TMEM178B: variants seen among roughly 807,000 people sequenced by gnomAD.
TMEM178B encodes the protein transmembrane protein 178B.
In TMEM178B, 5 loss-of-function variants were observed where a neutral mutation model predicts 31.0. The observed-to-expected ratio is 0.16, with a 90% CI of 0.08 to 0.34. TMEM178B has a LOEUF of 0.34. Ranked by LOEUF, TMEM178B falls within the 10% of genes least tolerant of loss-of-function variation. The probability of loss-of-function intolerance (pLI) is 1.00; values close to 1 mark genes in which losing one functional copy is unlikely to be tolerated. For missense variants in TMEM178B, 275 were observed against 400.3 expected (o/e 0.69, Z 2.67); for synonymous variants, 164 against 164.0 (o/e 1.00, Z 0.00).
At chr7:141,152,802 C>G (rs1586798159) in intron 1 of TMEM178B, among the ~76,000 whole-genome samples, 1 of 152,194 alleles carries the variant, frequency 6.6e-6, no homozygotes, top group African/African-American at 2.4e-5. Context: ...TCTCAAAATA[C>G]GTTCATTTCT....
rs1313571602 is a variant in TMEM178B at position 141,209,911 on chromosome 7, T to C, written c.383-2680T>C. Among the ~76,000 whole-genome samples the C allele has an allele frequency of 2.0e-5, 3 of 152,090 alleles. No homozygotes were observed. The East Asian group carries it at 5.8e-4, about 29-fold the overall frequency. On this transcript the variant is annotated intron_variant, in intron 1 of 3. Coordinates refer to ENST00000565468, the MANE Select transcript of TMEM178B (RefSeq NM_001195278.2). ...GTTCACCTAGCTGGAGCCTGGGGTA[T>C]GTGAAGGCTGGGGCCTGAAGGGAGC... is the stretch of plus-strand genomic sequence containing the variant.
intron 1 of TMEM178B, among the ~76,000 whole-genome samples, chr7:141,155,123 T>A (rs1171505994): frequency 6.6e-6 from 1 of 152,164 alleles, no homozygotes; most frequent in Non-Finnish European, 1.5e-5. Context: ...GGAGGACTCA[T>A]AGGACACAGT....
At chr7:141,246,401 T>C (rs978920503) in intron 2 of TMEM178B, among the ~76,000 whole-genome samples, 4 of 152,242 alleles carry the variant, frequency 2.6e-5, no homozygotes, top group African/African-American at 9.6e-5. Flanking sequence ...ACGATGTTTC[T>C]GAGACTACGA....
intron 2 of TMEM178B, among the ~76,000 whole-genome samples, chr7:141,377,277 G>A (rs190530241): frequency 2.6e-5 from 4 of 151,450 alleles, no homozygotes; most frequent in East Asian, 2.0e-4. Flanking sequence ...TCCGCCTCCC[G>A]GGTTCAAGTG....
chr7:141,186,007 C>G (rs1461132939), intron 1 of TMEM178B, among the ~76,000 whole-genome samples: 1 of 152,194 alleles, frequency 6.6e-6, no homozygotes, highest in Non-Finnish European at 1.5e-5. Context: ...CCTTTTGAAA[C>G]TTCAATTTCT....
At chr7:141,245,545 A>G (rs571541049) in intron 2 of TMEM178B, among the ~76,000 whole-genome samples, 1 of 152,362 alleles carries the variant, frequency 6.6e-6, no homozygotes, top group South Asian at 2.1e-4. Context: ...TACAGCAAGA[A>G]GAGAAATCAC....
chr7:141,325,474 A>G (rs1044513321), intron 2 of TMEM178B, among the ~76,000 whole-genome samples: 1 of 152,102 alleles, frequency 6.6e-6, no homozygotes, highest in Non-Finnish European at 1.5e-5. Context: ...TCCCCCAGGG[A>G]CCAAAGGCCA....
chr7:141,500,370 G>C, the TMEM178B span, among the ~76,000 whole-genome samples: 1 of 152,192 alleles, frequency 6.6e-6, no homozygotes, highest in Non-Finnish European at 1.5e-5. Flanking sequence ...TTTTGATTGA[G>C]AGGCTCAGGA....
At chr7:141,371,249 G>C (rs557859890) in intron 2 of TMEM178B, among the ~76,000 whole-genome samples, 1 of 152,080 alleles carries the variant, frequency 6.6e-6, no homozygotes, top group Non-Finnish European at 1.5e-5. Context: ...CCCTTCCTTG[G>C]GGGTAAGTGA....
intron 1 of TMEM178B, among the ~76,000 whole-genome samples, chr7:141,143,134 T>G (rs995000494): frequency 1.3e-5 from 2 of 152,244 alleles, no homozygotes. Context: ...ATTTGTTGGA[T>G]GCATAGTTTG....
intron 3 of TMEM178B, among the ~76,000 whole-genome samples, chr7:141,451,893 G>A (rs1213280292): frequency 1.3e-5 from 2 of 152,120 alleles, no homozygotes; most frequent in African/African-American, 4.8e-5. Flanking sequence ...CTGGCTTCTT[G>A]GAGATGTGCT....
At chr7:141,127,135 T>C (rs1229856225) in intron 1 of TMEM178B, among the ~76,000 whole-genome samples, 1 of 152,252 alleles carries the variant, frequency 6.6e-6, no homozygotes, top group East Asian at 1.9e-4. Context: ...TAAAATAGTG[T>C]CCCTACCTCT....
At chr7:141,502,577 C>T in the TMEM178B span, among the ~76,000 whole-genome samples, 1 of 152,132 alleles carries the variant, frequency 6.6e-6, no homozygotes, top group African/African-American at 2.4e-5. Context: ...TCGAGACCAG[C>T]CTGACCAATA....
intron 2 of TMEM178B, among the ~76,000 whole-genome samples, chr7:141,238,756 G>A (rs1435969237): frequency 1.3e-5 from 2 of 152,340 alleles, no homozygotes; most frequent in African/African-American, 2.4e-5. Context: ...ATCTAGGCCT[G>A]TGTTCCCACG....
At chr7:141,104,541 C>T (rs1302631982) in intron 1 of TMEM178B, among the ~76,000 whole-genome samples, 1 of 152,230 alleles carries the variant, frequency 6.6e-6, no homozygotes, top group African/African-American at 2.4e-5. Context: ...GCTACCTCTG[C>T]TGCTTTCTAC....
intron 2 of TMEM178B, among the ~76,000 whole-genome samples, chr7:141,215,337 A>ATTATTATTATTTTTTTTTTT (rs55726735): frequency 4.3e-4 from 61 of 141,556 alleles, no homozygotes; most frequent in Admixed American, 1.1e-3. Flanking sequence ...TATTATTATT[A>ATTATTATTATTTTTTTTTTT]TTTTTTGAGA....
At chr7:141,261,089 T>G (rs1377997330) in intron 2 of TMEM178B, among the ~76,000 whole-genome samples, 1 of 152,246 alleles carries the variant, frequency 6.6e-6, no homozygotes, top group Non-Finnish European at 1.5e-5. Flanking sequence ...AGTATATTTC[T>G]GTATTTAAAA....
intron 1 of TMEM178B, among the ~76,000 whole-genome samples, chr7:141,178,129 C>A (rs898059983): frequency 1.3e-5 from 2 of 152,126 alleles, no homozygotes; most frequent in Admixed American, 6.6e-5. Context: ...TCTTGTAGGG[C>A]AGGCCTGGTG....
intron 2 of TMEM178B, among the ~76,000 whole-genome samples, chr7:141,397,893 A>G (rs937153672): frequency 2.5e-4 from 38 of 152,298 alleles, no homozygotes; most frequent in African/African-American, 9.1e-4. Flanking sequence ...TGCAGTAGTT[A>G]TCGGGCAAAT....
Sources: allele counts gnomAD v4.1 joint callset (sites outside exome capture counted in the v4.1 genomes callset), GRCh38; gene constraint gnomAD v4.1.1; transcripts MANE v1.5; gene names NCBI Gene and HGNC (gene_info 2026-07-23, HGNC 2026-07-21).